The following EPHA10 variants were observed in gnomAD, a reference collection of about 807,000 sequenced individuals.
EPHA10 encodes the protein ephrin type-A receptor 10.
Under a neutral mutation model 109.7 loss-of-function variants are expected in EPHA10, and 120 were observed. The ratio of observed to expected loss-of-function variants is 1.09; its 90% CI spans 0.94 to 1.27. EPHA10 has a LOEUF of 1.27. Among genes scored for constraint, EPHA10 ranks in the 50% most tolerant of loss-of-function variants. The probability of loss-of-function intolerance (pLI) is 0.00; values close to 1 mark genes in which losing one functional copy is unlikely to be tolerated. For missense variants in EPHA10, 1,396 were observed against 1,411.1 expected, an observed-to-expected ratio of 0.99 and a Z score of 0.17; for synonymous variants, 640 against 618.9, an observed-to-expected ratio of 1.03 and a Z score of -0.51.
At chr1:37,755,876 T>C (rs1646389080) in intron 3 of EPHA10, among the ~76,000 whole-genome samples, 1 of 152,092 alleles carries the variant, frequency 6.6e-6, no homozygotes, top group South Asian at 2.1e-4. Flanking sequence ...CCTGGCCCTC[T>C]CCTCTAGTTT....
rs767266987 is a variant in EPHA10 at position 37,718,431 on chromosome 1, C to T, written c.2968G>A (p.Gly990Arg). The T allele has an allele frequency of 5.0e-6, 8 of 1,613,294 alleles. No homozygotes were observed. The highest frequency in any genetic ancestry group is 3.3e-5 in the South Asian group (3 of 91,090). ...LAEHREALLS[G>R]ISALQARVLQ... ...ACTCGTGCCTGCAGGGCGCTGATCC[C>T]GCTGAGGAGGGCCTCTCGATGTTCA... Residue 990 changes from glycine (G) to arginine (R), a missense_variant, in exon 17 of 17, where the codon GGG (glycine) becomes AGG (arginine). Gly to Arg is a moderately radical substitution (Grantham distance 125, BLOSUM62 -2). Transcript: ENST00000373048.
At chr1:37,729,942 C>A (rs1382799766) in intron 7 of EPHA10, among the ~76,000 whole-genome samples, 1 of 151,950 alleles carries the variant, frequency 6.6e-6, no homozygotes, top group African/African-American at 2.4e-5. Flanking sequence ...TTGGGAGAAC[C>A]ATAGCCAGGG....
At position 37,761,492 on chromosome 1, in the gene EPHA10, G is replaced by A. The variant is rs2148370936; in HGVS notation, c.763C>T (p.His255Tyr). Residue 255 changes from histidine to tyrosine, a missense_variant, in exon 3 of 17, where the codon CAC becomes TAC. Transcript: ENST00000373048. ...AGCCACTCGCCGTCGGCGCCGCAGT[G>A]CATGCGTGGGGGGCTGCCAGGCTCC... ...EGEPGSPPRMHCGADGEWLVP... is the reference protein window; with the variant it reads ...EGEPGSPPRMYCGADGEWLVP... The A allele has an allele frequency of 1.2e-6, 2 of 1,600,312 alleles. No homozygotes were observed. Among genetic ancestry groups the A allele is most frequent in the East Asian group, 2.2e-5 (1 of 44,840 alleles).
chr1:37,750,864 G>T (rs1464931020), intron 5 of EPHA10, among the ~76,000 whole-genome samples: 1 of 150,740 alleles, frequency 6.6e-6, no homozygotes, highest in Non-Finnish European at 1.5e-5. Flanking sequence ...ACTTTTCCCG[G>T]GAAAAAAAAA....
chr1:37,714,535 C>T (rs1410040926), downstream of EPHA10, among the ~76,000 whole-genome samples: 2 of 152,162 alleles, frequency 1.3e-5, no homozygotes, highest in South Asian at 2.1e-4. Context: ...CAACAAAGGT[C>T]GCTGTTACGG....
chr1:37,761,559 T>G lies in EPHA10; in HGVS notation c.696A>C (p.Thr232=), dbSNP rs1646430825. The G allele has an allele frequency of 6.3e-7, 1 of 1,598,368 alleles. No individual in the cohort carries two copies. Among genetic ancestry groups the G allele is most frequent in the Non-Finnish European group, 8.5e-7 (1 of 1,176,630 alleles). ...CGCACGTTCCGGCCACTTCCACCAGTGTGGAGAAGGCGCTCTCGGCTGCGG... is the reference window on the plus strand; with the variant it reads ...CGCACGTTCCGGCCACTTCCACCAGGGTGGAGAAGGCGCTCTCGGCTGCGG... The part of the protein sequence containing the change: ...PATAAESAFS[T]LVEVAGTCVA... Residue 232 remains threonine (T), a synonymous_variant, in exon 3 of 17, where the codon ACA becomes ACC. Coordinates refer to ENST00000373048, the MANE Select transcript of EPHA10 (RefSeq NM_001099439.2).
Position 37,751,858 on chromosome 1 carries a change from C to A in EPHA10, c.1357+1018G>T, listed in dbSNP as rs1299161098. Among the ~76,000 whole-genome samples, 8 of 147,696 alleles carry A rather than the reference C, an allele frequency of 5.4e-5. No homozygotes were observed. In the East Asian group the frequency reaches 9.8e-4, roughly 18 times the overall value. ...ACTGCACTCCAGCCTGGTGACAGAG[C>A]AAGACTCTGTCTCAAAAAAAAAAAA... On this transcript the variant is annotated intron_variant, in intron 5 of 16. Coordinates refer to ENST00000373048, the MANE Select transcript of EPHA10 (RefSeq NM_001099439.2).
intron 2 of EPHA10, among the ~76,000 whole-genome samples, chr1:37,762,547 T>C (rs573526507): frequency 1.3e-5 from 2 of 152,156 alleles, no homozygotes; most frequent in Non-Finnish European, 2.9e-5. Context: ...ATGCCACATT[T>C]CTGTTCCTAG....
intron 6 of EPHA10, 66 bp downstream of exon 6, chr1:37,735,191 A>C: frequency 6.5e-7 from 1 of 1,545,580 alleles, no homozygotes; most frequent in South Asian, 1.2e-5. Context: ...GGATGGCCTG[A>C]AGAACCAGAA....
chr1:37,727,169 T>C lies in EPHA10; in HGVS notation c.1705A>G (p.Thr569Ala). ...AGGAGGGCCGAGATGGTCACTACGG[T>C]GACGACAATGGCGGGGCTCTGGTCC... ...SRDQSPAIVV[T>A]VVTISALLVL... The change falls in exon 8 of 17, where the codon ACC (threonine) becomes GCC (alanine). Residue 569 changes from threonine (T) to alanine (A), a missense_variant. Coordinates refer to ENST00000373048, the MANE Select transcript of EPHA10 (RefSeq NM_001099439.2). The C allele has an allele frequency of 6.2e-7, 1 of 1,612,256 alleles. No individual in the cohort carries two copies. The highest frequency in any genetic ancestry group is 1.1e-5 in the South Asian group (1 of 90,850).
chr1:37,718,868 C>T, intron 15 of EPHA10, 52 bp from the exon 16 acceptor site: 3 of 1,552,474 alleles, frequency 1.9e-6, no homozygotes, highest in Non-Finnish European at 2.6e-6. Flanking sequence ...TGGGCCCACA[C>T]CTGGTGGTCT....
At chr1:37,735,205 CT>C in intron 6 of EPHA10, 51 bp downstream of exon 6, 1 of 1,553,462 alleles carries the variant, frequency 6.4e-7, no homozygotes, top group Non-Finnish European at 8.7e-7. Context: ...ACCAGAAGCC[CT>C]GCGGGACAGG....
intron 5 of EPHA10, among the ~76,000 whole-genome samples, chr1:37,742,665 T>TA (rs1169909668): frequency 2.9e-5 from 2 of 69,342 alleles, no homozygotes; most frequent in African/African-American, 8.8e-5. Flanking sequence ...CTAGCCCTCT[T>TA]ATGTGAGCTA....
At chr1:37,723,594 C>A (rs532622793) in intron 8 of EPHA10, among the ~76,000 whole-genome samples, 1 of 152,348 alleles carries the variant, frequency 6.6e-6, no homozygotes, top group South Asian at 2.1e-4. Flanking sequence ...CCACCACCAC[C>A]ATCCCTAGCT....
intron 6 of EPHA10, among the ~76,000 whole-genome samples, chr1:37,731,886 G>A (rs1166716818): frequency 1.3e-5 from 2 of 152,230 alleles, no homozygotes; most frequent in East Asian, 3.8e-4. Flanking sequence ...GATAGGATGA[G>A]GGCCACCAGG....
intron 5 of EPHA10, 61 bp from the exon 6 acceptor site, chr1:37,735,451 C>T (rs112523621): frequency 1.3e-5 from 20 of 1,529,362 alleles, no homozygotes; most frequent in Non-Finnish European, 1.8e-5. Flanking sequence ...GCTGGGGGTG[C>T]GGGGAAGAGG....
chr1:37,743,675 A>AGG (rs1646188671), intron 5 of EPHA10, among the ~76,000 whole-genome samples: 1 of 151,516 alleles, frequency 6.6e-6, no homozygotes, highest in Non-Finnish European at 1.5e-5. Context: ...AAATTACATG[A>AGG]TACTCAGTGT....
At chr1:37,738,627 TA>T (rs1176859029) in intron 5 of EPHA10, among the ~76,000 whole-genome samples, 2 of 152,154 alleles carry the variant, frequency 1.3e-5, no homozygotes, top group Non-Finnish European at 2.9e-5. Flanking sequence ...TTATAATTAC[TA>T]TATGATCCAG....
chr1:37,749,737 T>C (rs969094668), intron 5 of EPHA10, among the ~76,000 whole-genome samples: 2 of 152,178 alleles, frequency 1.3e-5, no homozygotes, highest in Non-Finnish European at 2.9e-5. Context: ...TATACCATCA[T>C]GCATTGCTAA....
Sources: allele counts gnomAD v4.1 joint callset (sites outside exome capture counted in the v4.1 genomes callset), GRCh38; gene constraint gnomAD v4.1.1; transcripts MANE v1.5; gene names NCBI Gene and HGNC (gene_info 2026-07-23, HGNC 2026-07-21).